Variants in RARB observed in about 807,000 individuals in gnomAD.
RARB encodes the protein HBV-activated protein.
Under a neutral mutation model 51.9 loss-of-function variants are expected in RARB, and 17 were observed. The ratio of observed to expected loss-of-function variants is 0.33; its 90% CI spans 0.22 to 0.49. RARB has a LOEUF of 0.49. Ranked by LOEUF, RARB falls within the 20% of genes least tolerant of loss-of-function variation. RARB has a pLI of 0.99. For missense variants in RARB, 369 were observed against 550.8 expected (o/e 0.67, Z 3.30); for synonymous variants, 215 against 195.4 (o/e 1.10, Z -0.84).
chr3:25,356,522 T>C (rs961534107), intron 5 of RARB, among the ~76,000 whole-genome samples: 1 of 152,066 alleles, frequency 6.6e-6, no homozygotes, highest in Non-Finnish European at 1.5e-5. Flanking sequence ...TTCTTTCTTT[T>C]TTTTTATTAT....
intron 2 of RARB, among the ~76,000 whole-genome samples, chr3:24,885,921 TTC>T (rs1314389750): frequency 6.6e-6 from 1 of 152,208 alleles, no homozygotes; most frequent in Non-Finnish European, 1.5e-5. Flanking sequence ...TGCTCTATAT[TTC>T]TGTTATATGC....
intron 5 of RARB, among the ~76,000 whole-genome samples, chr3:25,248,469 GT>G (rs1399362889): frequency 6.6e-6 from 1 of 152,046 alleles, no homozygotes; most frequent in African/African-American, 2.4e-5. Flanking sequence ...TTATCATTGT[GT>G]TTTGTTTTCT....
intron 5 of RARB, among the ~76,000 whole-genome samples, chr3:25,371,912 G>C (rs750532623): frequency 6.6e-6 from 1 of 152,178 alleles, no homozygotes; most frequent in African/African-American, 2.4e-5. Flanking sequence ...AGTGGTCAGG[G>C]AAGGCCCCAC....
chr3:24,918,599 A>G (rs143809073), intron 2 of RARB, among the ~76,000 whole-genome samples: 2,706 of 152,252 alleles, frequency 0.018, 44 homozygotes, highest in Middle Eastern at 0.061. Context: ...AATTTAGACT[A>G]GGGCTGGGCA....
Position 25,445,557 on chromosome 3 carries a change from C to T in RARB, c.158-15636C>T, listed in dbSNP as rs138619400. Among the ~76,000 whole-genome samples, 221 of 152,166 alleles carry T rather than the reference C, an allele frequency of 1.5e-3. 2 individuals carry two copies. In the East Asian group the frequency reaches 0.026, roughly 18 times the overall value. On this transcript the variant is annotated intron_variant, in intron 1 of 7. Transcript: ENST00000330688. ...GGGGGCACGCCTGTAGTCCCAGCTA[C>T]TCGAGAGGCTGAAGCAGGAGAATTG...
At chr3:24,965,902 A>C (rs1408503260) in intron 2 of RARB, among the ~76,000 whole-genome samples, 6 of 152,186 alleles carry the variant, frequency 3.9e-5, no homozygotes, top group Admixed American at 3.9e-4. Context: ...AGAATTTGTC[A>C]TTGCAAAACA....
At chr3:25,495,246 G>C (rs1696966353) in intron 2 of RARB, among the ~76,000 whole-genome samples, 1 of 152,216 alleles carries the variant, frequency 6.6e-6, no homozygotes, top group Non-Finnish European at 1.5e-5. Flanking sequence ...GAGGGTATCA[G>C]AGGAGGGAAG....
chr3:25,389,791 A>C (rs1706897715), intron 5 of RARB, among the ~76,000 whole-genome samples: 1 of 152,202 alleles, frequency 6.6e-6, no homozygotes, highest in South Asian at 2.1e-4. Flanking sequence ...GCATAGAAAT[A>C]ATTAAAATAA....
intron 5 of RARB, among the ~76,000 whole-genome samples, chr3:25,216,221 TC>T (rs1377558616): frequency 2.0e-5 from 3 of 152,090 alleles, no homozygotes; most frequent in Non-Finnish European, 4.4e-5. Flanking sequence ...CACAATCCTC[TC>T]CCCCACAAGA....
At chr3:25,342,763 CT>C (rs892983165) in intron 5 of RARB, among the ~76,000 whole-genome samples, 21 of 152,186 alleles carry the variant, frequency 1.4e-4, no homozygotes, top group South Asian at 8.3e-4. Context: ...TTTTCATGGT[CT>C]TTTTAATGAT....
chr3:25,396,801 C>T (rs1029759514), intron 5 of RARB, among the ~76,000 whole-genome samples: 10 of 151,996 alleles, frequency 6.6e-5, no homozygotes, highest in Non-Finnish European at 1.2e-4. Context: ...ATACAGGTCA[C>T]CAGGGAAGTA....
At chr3:25,325,109 G>A (rs903490214) in intron 5 of RARB, among the ~76,000 whole-genome samples, 4 of 152,178 alleles carry the variant, frequency 2.6e-5, no homozygotes, top group African/African-American at 9.6e-5. Context: ...AACAAGGGGC[G>A]GCTTATTCAT....
intron 1 of RARB, among the ~76,000 whole-genome samples, chr3:25,439,793 T>C (rs991493446): frequency 4.6e-5 from 7 of 152,218 alleles, no homozygotes; most frequent in Non-Finnish European, 1.0e-4. Flanking sequence ...GTTGCTGAAT[T>C]ATATATTTTG....
At position 24,888,793 on chromosome 3, in the gene RARB, T is replaced by A. The variant is rs1342208099; in HGVS notation, c.-380+30041T>A. Among the ~76,000 whole-genome samples the A allele has an allele frequency of 1.3e-5, 2 of 152,198 alleles. 1 individual carries two copies. The highest frequency in any genetic ancestry group is 1.3e-4 in the Admixed American group (2 of 15,276). ...TGGAAAGAAGTGAGAGGTGCCCATA[T>A]TCTTGTTGTAGAATATGTGGTTCAG... is the stretch of plus-strand genomic sequence containing the variant. On this transcript the variant is annotated intron_variant, in intron 2 of 11. Coordinates refer to the RARB transcript ENST00000383772.
chr3:25,360,339 C>T (rs1705891403), intron 5 of RARB, among the ~76,000 whole-genome samples: 1 of 152,158 alleles, frequency 6.6e-6, no homozygotes, highest in Admixed American at 6.5e-5. Flanking sequence ...AAATCTTCTT[C>T]CATCCCTTTA....
At chr3:24,885,777 G>A (rs1472182400) in intron 2 of RARB, among the ~76,000 whole-genome samples, 1 of 152,126 alleles carries the variant, frequency 6.6e-6, no homozygotes, top group African/African-American at 2.4e-5. Flanking sequence ...CCCATTTAAT[G>A]CTCTTCTGCT....
At chr3:25,049,352 G>T (rs764681024) in intron 2 of RARB, among the ~76,000 whole-genome samples, 6 of 152,222 alleles carry the variant, frequency 3.9e-5, no homozygotes, top group Non-Finnish European at 7.3e-5. Context: ...ACTCAGAATT[G>T]TCAAAAGTTT....
At chr3:25,400,845 A>G (rs1175281829) in intron 5 of RARB, among the ~76,000 whole-genome samples, 2 of 152,074 alleles carry the variant, frequency 1.3e-5, no homozygotes, top group Non-Finnish European at 2.9e-5. Flanking sequence ...TCCCAGGAAG[A>G]ACTAGAAAAG....
At chr3:24,950,738 C>T (rs1208077529) in intron 2 of RARB, among the ~76,000 whole-genome samples, 2 of 148,360 alleles carry the variant, frequency 1.3e-5, no homozygotes, top group African/African-American at 5.0e-5. Context: ...GGTGATTTGG[C>T]AAGAGAAAGA....
Sources: allele counts gnomAD v4.1 joint callset (sites outside exome capture counted in the v4.1 genomes callset), GRCh38; gene constraint gnomAD v4.1.1; transcripts MANE v1.5; gene names NCBI Gene and HGNC (gene_info 2026-07-23, HGNC 2026-07-21).